The following LRIG1 variants were observed in gnomAD, a reference collection of about 807,000 sequenced individuals.
The protein encoded by LRIG1 is leucine-rich repeats and immunoglobulin-like domains protein 1.
LRIG1 carries 48 observed loss-of-function variants against 99.2 expected under a neutral mutation model. The ratio of observed to expected loss-of-function variants is 0.48; its 90% CI spans 0.38 to 0.62. The LOEUF (loss-of-function observed/expected upper bound fraction) is 0.62, where lower values mean the gene tolerates loss of function less well. Ranked by LOEUF, LRIG1 falls within the 20% of genes least tolerant of loss-of-function variation. LRIG1 has a pLI of 0.00. For synonymous variants in LRIG1, 772 were observed against 596.1 expected (o/e 1.29, Z -4.30); for missense variants, 1,646 against 1,434.4 (o/e 1.15, Z -2.38).
intron 1 of LRIG1, among the ~76,000 whole-genome samples, chr3:66,482,000 T>C (rs1025084568): frequency 1.3e-5 from 2 of 152,256 alleles, no homozygotes; most frequent in South Asian, 4.1e-4. Flanking sequence ...TTCCATTTGC[T>C]GGAAGCTGTT....
intron 11 of LRIG1, among the ~76,000 whole-genome samples, chr3:66,397,319 G>T (rs1441391710): frequency 6.6e-6 from 1 of 152,286 alleles, no homozygotes; most frequent in East Asian, 1.9e-4. Flanking sequence ...GATGAGGTCA[G>T]GGCACAAAGA....
intron 1 of LRIG1, among the ~76,000 whole-genome samples, chr3:66,485,827 C>T (rs1309075203): frequency 6.6e-6 from 1 of 152,170 alleles, no homozygotes; most frequent in Non-Finnish European, 1.5e-5. Context: ...AAGAAACACG[C>T]TCTTCAAGAT....
At chr3:66,498,084 C>T (rs1205624726) in intron 1 of LRIG1, 1 of 152,044 alleles carries the variant, frequency 6.6e-6, no homozygotes, top group Non-Finnish European at 1.5e-5. Context: ...AATAAGAAAA[C>T]TTCACAAATA....
intron 6 of LRIG1, among the ~76,000 whole-genome samples, chr3:66,410,800 C>T (rs985561140): frequency 6.6e-6 from 1 of 152,240 alleles, no homozygotes; most frequent in African/African-American, 2.4e-5. Context: ...ACCCGCATCT[C>T]ACACATGAGG....
chr3:66,380,458 A>T lies in LRIG1; in HGVS notation c.3087T>A (p.Tyr1029Ter), dbSNP rs773701510. 5.0e-6 allele frequency: 8 copies of T among 1,614,062 alleles called. No homozygotes were observed. The highest frequency in any genetic ancestry group is 1.3e-5 in the African/African-American group (1 of 74,916). ...GCTGTAGCTCTGTGGAGTCCGGGTG[A>T]TACAACCTTGCTAAAGTCCAGGAAG... ...GDSSWTLARL[Y>*]HPDSTELQPA... The change falls in exon 19 of 19, where the codon TAT becomes TAA. Residue 1029 changes from tyrosine (Y) to a stop codon, truncating the protein, a stop_gained. Coordinates refer to ENST00000273261, the MANE Select transcript of LRIG1 (RefSeq NM_015541.3). LOFTEE classifies it low-confidence loss of function (END_TRUNC).
chr3:66,396,873 C>T (rs769759274), intron 11 of LRIG1, among the ~76,000 whole-genome samples: 3 of 152,226 alleles, frequency 2.0e-5, no homozygotes, highest in African/African-American at 4.8e-5. Flanking sequence ...TGCTTTACTG[C>T]GAGTCCACCT....
chr3:66,419,826 C>A (rs1055309432), intron 3 of LRIG1, among the ~76,000 whole-genome samples: 1 of 152,118 alleles, frequency 6.6e-6, no homozygotes, highest in Non-Finnish European at 1.5e-5. Context: ...CCTTGAAACA[C>A]CCTGCCCTGG....
rs192845686 is a variant in LRIG1 at position 66,462,631 on chromosome 3, G to A, written c.219-122C>T. ...ATCCAAGCCCCCATCCCATGATCAT[G>A]TATTAAGTAACCGTATTGATACTGA... On this transcript the variant is annotated intron_variant, in intron 1 of 18. Transcript: ENST00000273261. 6.2e-3 allele frequency: 4,334 copies of A among 701,748 alleles called. 27 individuals are homozygous for A. The highest frequency in any genetic ancestry group is 8.5e-3 in the Non-Finnish European group (3,361 of 393,532). 43.5% of individuals were successfully genotyped at this position (701,748 alleles called of 1,614,324 possible).
chr3:66,490,581 A>G (rs930657103), intron 1 of LRIG1, among the ~76,000 whole-genome samples: 1 of 152,134 alleles, frequency 6.6e-6, no homozygotes, highest in Non-Finnish European at 1.5e-5. Flanking sequence ...GTGTTCTCCT[A>G]ATTTGCAGAA....
intron 2 of LRIG1, among the ~76,000 whole-genome samples, chr3:66,457,592 G>A (rs1700259080): frequency 6.6e-6 from 1 of 152,210 alleles, no homozygotes; most frequent in African/African-American, 2.4e-5. Flanking sequence ...GCAAGGCCCT[G>A]TGCATCATCT....
At chr3:66,422,407 C>T (rs1182635086) in intron 3 of LRIG1, among the ~76,000 whole-genome samples, 1 of 152,154 alleles carries the variant, frequency 6.6e-6, no homozygotes, top group East Asian at 1.9e-4. Context: ...CCATCAGATA[C>T]CCTAAATCAT....
chr3:66,406,381 T>G, intron 8 of LRIG1: 1 of 985,448 alleles, frequency 1.0e-6, no homozygotes, highest in Non-Finnish European at 1.2e-6. Context: ...GCCCGCTCAG[T>G]CTGAATGTTC....
At chr3:66,414,145 C>T (rs1242058586) in intron 5 of LRIG1, among the ~76,000 whole-genome samples, 4 of 152,098 alleles carry the variant, frequency 2.6e-5, no homozygotes, top group Non-Finnish European at 2.9e-5. Flanking sequence ...TGCCTGTAAT[C>T]CCAGCACTTT....
intron 3 of LRIG1, among the ~76,000 whole-genome samples, chr3:66,422,656 T>C (rs1427772738): frequency 1.3e-5 from 2 of 152,196 alleles, no homozygotes; most frequent in Admixed American, 1.3e-4. Flanking sequence ...TTCTGAGCCC[T>C]CCAAAGTGCT....
At chr3:66,410,474 G>A (rs1575669760) in intron 6 of LRIG1, among the ~76,000 whole-genome samples, 3 of 152,256 alleles carry the variant, frequency 2.0e-5, no homozygotes, top group Admixed American at 2.0e-4. Flanking sequence ...ATGGATGACA[G>A]CACATGCCAA....
chr3:66,496,764 G>C (rs777765034), intron 1 of LRIG1, among the ~76,000 whole-genome samples: 15 of 152,132 alleles, frequency 9.9e-5, no homozygotes, highest in Non-Finnish European at 2.1e-4. Flanking sequence ...TCTCAGTTTA[G>C]GTTCCAGAAC....
intron 1 of LRIG1, among the ~76,000 whole-genome samples, chr3:66,475,864 G>C (rs1045239215): frequency 6.6e-6 from 1 of 152,096 alleles, no homozygotes; most frequent in Non-Finnish European, 1.5e-5. Context: ...TTTATCTAAG[G>C]CCTGGGTATT....
At chr3:66,432,184 T>C (rs1703193743) in intron 3 of LRIG1, among the ~76,000 whole-genome samples, 1 of 151,858 alleles carries the variant, frequency 6.6e-6, no homozygotes. Context: ...AAAGGAGGGT[T>C]TTCCACACAG....
chr3:66,424,209 T>C (rs1702905159), intron 3 of LRIG1, among the ~76,000 whole-genome samples: 1 of 152,056 alleles, frequency 6.6e-6, no homozygotes, highest in Non-Finnish European at 1.5e-5. Context: ...ATCTGACAGA[T>C]TCCCCAGCAT....
Sources: allele counts gnomAD v4.1 joint callset (sites outside exome capture counted in the v4.1 genomes callset), GRCh38; gene constraint gnomAD v4.1.1; transcripts MANE v1.5; gene names NCBI Gene and HGNC (gene_info 2026-07-23, HGNC 2026-07-21).